Variants in DLG2 observed in about 807,000 individuals in gnomAD.
The protein encoded by DLG2 is discs large MAGUK scaffold protein 2, also known as disks large homolog 2.
Under a neutral mutation model 132.5 loss-of-function variants are expected in DLG2, and 45 were observed. The ratio of observed to expected loss-of-function variants is 0.34; its 90% CI spans 0.27 to 0.44. The LOEUF (loss-of-function observed/expected upper bound fraction) is 0.44, where lower values mean the gene tolerates loss of function less well. Ranked by LOEUF, DLG2 falls within the 20% of genes least tolerant of loss-of-function variation. DLG2 has a pLI of 1.00. For missense variants in DLG2, 1,045 were observed against 1,196.9 expected (o/e 0.87, Z 1.87); for synonymous variants, 424 against 419.6 (o/e 1.01, Z -0.13).
intron 6 of DLG2, among the ~76,000 whole-genome samples, chr11:85,032,099 G>A (rs1383828349): frequency 6.6e-6 from 1 of 151,742 alleles, no homozygotes; most frequent in East Asian, 1.9e-4. Context: ...CACCATGCCT[G>A]ACCACCATAC....
chr11:84,393,805 A>G (rs2098801390), intron 7 of DLG2, among the ~76,000 whole-genome samples: 1 of 152,188 alleles, frequency 6.6e-6, no homozygotes, highest in African/African-American at 2.4e-5. Context: ...TTCTAAACTT[A>G]GTCAATTTTA....
At chr11:85,462,904 C>T (rs923836059) in intron 3 of DLG2, among the ~76,000 whole-genome samples, 2 of 152,032 alleles carry the variant, frequency 1.3e-5, no homozygotes, top group African/African-American at 2.4e-5. Flanking sequence ...GGTGGGTCAT[C>T]GATCTGTTAA....
intron 6 of DLG2, among the ~76,000 whole-genome samples, chr11:84,749,105 C>T (rs955522329): frequency 1.3e-5 from 2 of 152,162 alleles, no homozygotes; most frequent in Admixed American, 6.5e-5. Flanking sequence ...AACCCACCCT[C>T]CCTTATATGT....
In DLG2 at chr11:85,191,347, A is replaced by G. The variant is rs1002313995; in HGVS notation, c.187-36696T>C. On this transcript the variant is annotated intron_variant, in intron 4 of 27. Transcript: ENST00000376104. ...AAACTCTCTACCACTTTTTTTAAGCAAAACTATGTAATCGATTTCACTCCC... is the reference window on the plus strand; with the variant it reads ...AAACTCTCTACCACTTTTTTTAAGCGAAACTATGTAATCGATTTCACTCCC... Among the ~76,000 whole-genome samples the G allele has an allele frequency of 1.3e-4, 20 of 151,744 alleles. 1 individual carries two copies. Among genetic ancestry groups the G allele is most frequent in the Admixed American group, 1.1e-3 (17 of 15,234 alleles).
intron 18 of DLG2, among the ~76,000 whole-genome samples, chr11:83,757,694 G>C (rs2093707901): frequency 6.6e-6 from 1 of 152,134 alleles, no homozygotes; most frequent in Admixed American, 6.5e-5. Context: ...CTTGATGAAG[G>C]GGGGTTTAGG....
intron 6 of DLG2, among the ~76,000 whole-genome samples, chr11:84,995,115 C>T (rs182071338): frequency 7.2e-5 from 11 of 152,288 alleles, no homozygotes; most frequent in Admixed American, 5.9e-4. Context: ...CATTTACTAG[C>T]TGGATAATCC....
At chr11:85,036,256 C>T (rs1487306698) in intron 6 of DLG2, among the ~76,000 whole-genome samples, 1 of 152,134 alleles carries the variant, frequency 6.6e-6, no homozygotes, top group African/African-American at 2.4e-5. Flanking sequence ...AATTACCTTT[C>T]CAAGCACTTC....
intron 3 of DLG2, among the ~76,000 whole-genome samples, chr11:85,566,283 C>T (rs546675057): frequency 3.9e-5 from 6 of 152,178 alleles, no homozygotes; most frequent in South Asian, 4.1e-4. Flanking sequence ...TATTTTCTCC[C>T]ATTGTGTGGG....
intron 22 of DLG2, among the ~76,000 whole-genome samples, chr11:83,473,512 A>G (rs1591433100): frequency 1.3e-5 from 2 of 152,232 alleles, no homozygotes. Context: ...GGTTTTTGCC[A>G]TTTATTTTTT....
chr11:85,464,993 G>A (rs1225798899), intron 3 of DLG2, among the ~76,000 whole-genome samples: 1 of 139,752 alleles, frequency 7.2e-6, no homozygotes, highest in East Asian at 2.3e-4. Flanking sequence ...AGAATCACTT[G>A]AACCTAGGAG....
rs191877666 is a variant in DLG2 at position 85,518,639 on chromosome 11, C to A, written c.40+80018G>T. On this transcript the variant is annotated intron_variant, in intron 3 of 27. Transcript: ENST00000376104. Reference sequence around the variant, plus strand: ...AAAACCCATTTTCTGAGGATAAATTCAAGCTGACTGCAGAAATTTGCATAA... The same window carrying A: ...AAAACCCATTTTCTGAGGATAAATTAAAGCTGACTGCAGAAATTTGCATAA... Among the ~76,000 whole-genome samples, 531 of 152,312 alleles carry A rather than the reference C, an allele frequency of 3.5e-3. 1 individual carries two copies. The highest frequency in any genetic ancestry group is 0.012 in the African/African-American group (489 of 41,578).
At chr11:85,380,310 A>G (rs997306508) in intron 3 of DLG2, among the ~76,000 whole-genome samples, 1 of 152,192 alleles carries the variant, frequency 6.6e-6, no homozygotes, top group Admixed American at 6.5e-5. Flanking sequence ...GTTCCATATC[A>G]TTTTATTTCA....
intron 6 of DLG2, among the ~76,000 whole-genome samples, chr11:85,082,487 C>G (rs796681040): frequency 8.6e-5 from 13 of 152,000 alleles, no homozygotes; most frequent in African/African-American, 2.9e-4. Flanking sequence ...TGAGAAGAAT[C>G]TCCCCATGAC....
intron 8 of DLG2, among the ~76,000 whole-genome samples, chr11:84,239,937 T>C (rs1378462458): frequency 6.6e-6 from 1 of 152,200 alleles, no homozygotes; most frequent in East Asian, 1.9e-4. Context: ...CTCCCCAATA[T>C]TCATTACCCT....
intron 21 of DLG2, among the ~76,000 whole-genome samples, chr11:83,527,085 T>C (rs1299867986): frequency 6.6e-6 from 1 of 152,214 alleles, no homozygotes; most frequent in African/African-American, 2.4e-5. Context: ...CATTTTATTT[T>C]AGCAGGCCAC....
chr11:85,404,145 A>G (rs1410808491), intron 3 of DLG2, among the ~76,000 whole-genome samples: 1 of 152,040 alleles, frequency 6.6e-6, no homozygotes, highest in African/African-American at 2.4e-5. Context: ...GGTAGGATCC[A>G]CGTTATGATA....
At position 84,786,889 on chromosome 11, in the gene DLG2, C is replaced by T. The variant is rs149488974; in HGVS notation, c.358-252158G>A. 3.8e-4 allele frequency among the ~76,000 whole-genome samples: 58 copies of T among 152,300 alleles called. No individual in the cohort carries two copies. The East Asian group carries it at 0.011, about 28-fold the overall frequency. On this transcript the variant is annotated intron_variant, in intron 6 of 27. Coordinates refer to ENST00000376104, the MANE Select transcript of DLG2 (RefSeq NM_001142699.3). ...GTCTAGACCTTCCTTTAATTAGGGT[C>T]CCGGGGGCCAGGAAAATTCTCTGAA...
intron 13 of DLG2, among the ~76,000 whole-genome samples, chr11:83,964,825 A>C (rs1023407679): frequency 1.3e-5 from 2 of 151,936 alleles, no homozygotes; most frequent in Admixed American, 1.3e-4. Context: ...CTTACTTGCC[A>C]ATATAACAAA....
At chr11:84,156,849 T>A (rs2095439063) in intron 9 of DLG2, among the ~76,000 whole-genome samples, 1 of 152,204 alleles carries the variant, frequency 6.6e-6, no homozygotes. Flanking sequence ...TAAAGTTGTC[T>A]AATAGTGGCC....
Sources: gnomAD v4.1 joint callset for allele counts (sites outside exome capture counted in the v4.1 genomes callset) on GRCh38, gnomAD v4.1.1 for gene constraint, MANE v1.5 for transcripts, NCBI Gene and HGNC (gene_info 2026-07-23, HGNC 2026-07-21) for gene names.